The following PPP4R2 variants were observed in gnomAD, a reference collection of about 807,000 sequenced individuals.
PPP4R2 encodes protein phosphatase 4 regulatory subunit 2, also known as serine/threonine-protein phosphatase 4 regulatory subunit 2.
Under a neutral mutation model 47.2 loss-of-function variants are expected in PPP4R2, and 13 were observed. That is an observed-to-expected ratio of 0.28 (90% confidence interval 0.18 to 0.44). PPP4R2 has a LOEUF of 0.44. PPP4R2 is among the 20% of genes least tolerant of loss of function. The probability of loss-of-function intolerance (pLI) is 1.00; values close to 1 mark genes in which losing one functional copy is unlikely to be tolerated. For missense variants in PPP4R2, 421 were observed against 491.2 expected, an observed-to-expected ratio of 0.86 and a Z score of 1.35; for synonymous variants, 151 against 163.3, an observed-to-expected ratio of 0.92 and a Z score of 0.57.
chr3:73,036,962 G>T (rs916230879), intron 2 of PPP4R2, among the ~76,000 whole-genome samples: 1 of 152,148 alleles, frequency 6.6e-6, no homozygotes, highest in Non-Finnish European at 1.5e-5. Flanking sequence ...CTCACCACTT[G>T]TGGCAGTGCT....
intron 2 of PPP4R2, among the ~76,000 whole-genome samples, chr3:73,025,693 A>C (rs1253658528): frequency 6.6e-6 from 1 of 152,202 alleles, no homozygotes; most frequent in Admixed American, 6.5e-5. Context: ...AGAGCTGTGG[A>C]GGAAGAATTA....
intron 2 of PPP4R2, among the ~76,000 whole-genome samples, chr3:73,039,553 G>T (rs1198066186): frequency 2.0e-5 from 3 of 152,190 alleles, no homozygotes; most frequent in Non-Finnish European, 4.4e-5. Context: ...ATTTTAGAGA[G>T]GTGGGGAATG....
intron 2 of PPP4R2, among the ~76,000 whole-genome samples, chr3:73,042,911 T>C (rs1057512081): frequency 4.6e-5 from 7 of 152,166 alleles, no homozygotes; most frequent in Non-Finnish European, 4.4e-5. Flanking sequence ...TCTCATGAGT[T>C]AGTGCCATAG....
At chr3:73,029,561 A>C (rs1390043111) in intron 2 of PPP4R2, among the ~76,000 whole-genome samples, 1 of 128,624 alleles carries the variant, frequency 7.8e-6, no homozygotes, top group Non-Finnish European at 1.7e-5. Flanking sequence ...ATTTCATCAC[A>C]TCTGAGAGGT....
chr3:73,059,235 T>C (rs910020711), intron 4 of PPP4R2, 105 bp downstream of exon 4: 16 of 578,598 alleles, frequency 2.8e-5, no homozygotes, highest in African/African-American at 3.9e-5. Flanking sequence ...TCTTGAAATA[T>C]GTTTTTCAGC....
intron 3 of PPP4R2, among the ~76,000 whole-genome samples, chr3:73,054,855 CATT>C (rs1702696084): frequency 6.6e-6 from 1 of 152,154 alleles, no homozygotes; most frequent in African/African-American, 2.4e-5. Context: ...ATGCTTAAGA[CATT>C]ATTTCTTTAG....
intron 2 of PPP4R2, among the ~76,000 whole-genome samples, chr3:73,028,108 T>C (rs1335741059): frequency 6.6e-6 from 1 of 151,616 alleles, no homozygotes; most frequent in Non-Finnish European, 1.5e-5. Flanking sequence ...AATACAAAAA[T>C]TAGCCAGGCG....
At chr3:73,042,361 CTTTTTTT>C (rs10709279) in intron 2 of PPP4R2, among the ~76,000 whole-genome samples, 1 of 75,908 alleles carries the variant, frequency 1.3e-5, no homozygotes, top group African/African-American at 4.7e-5. Flanking sequence ...AATATAATTT[CTTTTTTT>C]TTTTTTTTTT....
chr3:73,013,273 G>A lies in PPP4R2; in HGVS notation c.116+15115G>A, dbSNP rs557369157. Among the ~76,000 whole-genome samples, 10 of 152,108 alleles carry A rather than the reference G, an allele frequency of 6.6e-5. No homozygotes were observed. The South Asian group carries it at 1.5e-3, about 22-fold the overall frequency. On this transcript the variant is annotated intron_variant, in intron 2 of 8. Transcript: ENST00000356692. ...ATTTTAAAAGTAGCTTTAAAAACTT[G>A]GATTTAAAATATGGAGAATATCTTG...
chr3:73,007,736 G>C (rs536912885), intron 2 of PPP4R2, among the ~76,000 whole-genome samples: 1 of 152,166 alleles, frequency 6.6e-6, no homozygotes, highest in African/African-American at 2.4e-5. Flanking sequence ...TGATCGACCC[G>C]TCTCGGCTTC....
At chr3:73,062,188 A>C in intron 5 of PPP4R2, 5 of 1,564,968 alleles carry the variant, frequency 3.2e-6, no homozygotes, top group Non-Finnish European at 4.3e-6. Context: ...ATTCTTAACA[A>C]AATTAAAGAA....
At chr3:73,056,704 C>G (rs1702738282) in intron 3 of PPP4R2, among the ~76,000 whole-genome samples, 1 of 152,108 alleles carries the variant, frequency 6.6e-6, no homozygotes, top group Admixed American at 6.5e-5. Context: ...TAAACACATA[C>G]CCCCCTCCCA....
chr3:72,997,375 T>G, intron 1 of PPP4R2: 1 of 284,458 alleles, frequency 3.5e-6, no homozygotes, highest in Non-Finnish European at 6.5e-6. Flanking sequence ...CGCAGACCCC[T>G]CCCTCCCAGA....
chr3:73,011,307 C>T (rs1045459684), intron 2 of PPP4R2, among the ~76,000 whole-genome samples: 4 of 152,128 alleles, frequency 2.6e-5, no homozygotes, highest in Admixed American at 6.5e-5. Flanking sequence ...TGGTGAAACC[C>T]TGCCTCTACT....
chr3:73,022,811 GCTGA>G (rs1210012650), intron 2 of PPP4R2, among the ~76,000 whole-genome samples: 1 of 148,394 alleles, frequency 6.7e-6, no homozygotes, highest in Non-Finnish European at 1.5e-5. Context: ...TACAGTTGAT[GCTGA>G]CTTATATTTA....
chr3:73,050,165 A>T (rs1031733575), intron 3 of PPP4R2, among the ~76,000 whole-genome samples: 1 of 152,052 alleles, frequency 6.6e-6, no homozygotes, highest in Non-Finnish European at 1.5e-5. Flanking sequence ...GGGTTTTACC[A>T]TGTTGGCCAG....
At position 72,998,101 on chromosome 3, in the gene PPP4R2, A is replaced by G. The variant is rs1701388499; in HGVS notation, c.59A>G (p.Glu20Gly). The G allele has an allele frequency of 6.2e-7, 1 of 1,604,886 alleles. No individual in the cohort carries two copies. The highest frequency in any genetic ancestry group is 1.1e-5 in the South Asian group (1 of 88,166). Residue 20 changes from glutamate to glycine, a missense_variant, in exon 2 of 9, where the codon GAA (glutamate) becomes GGA (glycine). By Grantham distance (98) the Glu-to-Gly change is moderately conservative. This residue lies in a region of PPP4R2 where 104 missense variants were observed against 203.7 expected (regional missense o/e 0.51). Coordinates refer to ENST00000356692, the MANE Select transcript of PPP4R2 (RefSeq NM_174907.4). ...LKDFEKRGKK[E>G]VCPVLDQFLC... is the part of the protein sequence containing the mutation. The stretch of plus-strand genomic sequence containing the variant: ...GATTTTGAGAAGAGGGGGAAAAAGG[A>G]AGTTTGTCCTGTCCTGGATCAGTTT...
At chr3:73,048,298 G>T (rs1386708438) in intron 3 of PPP4R2, among the ~76,000 whole-genome samples, 1 of 152,156 alleles carries the variant, frequency 6.6e-6, no homozygotes, top group South Asian at 2.1e-4. Context: ...TGTCACCCAG[G>T]GTGGAGTGCA....
chr3:73,004,542 G>A (rs374113819), intron 2 of PPP4R2, among the ~76,000 whole-genome samples: 1 of 152,050 alleles, frequency 6.6e-6, no homozygotes, highest in Non-Finnish European at 1.5e-5. Context: ...TGTAAACTCT[G>A]TCTTCCCACC....
Sources: allele counts gnomAD v4.1 joint callset (sites outside exome capture counted in the v4.1 genomes callset), GRCh38; gene constraint gnomAD v4.1.1; regional missense constraint gnomAD v4.1.1; transcripts MANE v1.5; gene names NCBI Gene and HGNC (gene_info 2026-07-23, HGNC 2026-07-21).